The following PCDH15 variants were observed in gnomAD, a reference collection of about 807,000 sequenced individuals.
The protein encoded by PCDH15 is protocadherin-15.
In PCDH15, 129 loss-of-function variants were observed where a neutral mutation model predicts 178.5. The ratio of observed to expected loss-of-function variants is 0.72; its 90% CI spans 0.63 to 0.84. PCDH15 has a LOEUF of 0.84. Ranked by LOEUF, PCDH15 falls within the 40% of genes least tolerant of loss-of-function variation. The pLI, the probability that PCDH15 is intolerant of heterozygous loss-of-function variation, is 0.00. For synonymous variants in PCDH15, 800 were observed against 732.0 expected (o/e 1.09, Z -1.50); for missense variants, 2,230 against 2,099.9 (o/e 1.06, Z -1.21).
At chr10:55,055,341 G>A (rs1418028828) in intron 2 of PCDH15, among the ~76,000 whole-genome samples, 1 of 152,164 alleles carries the variant, frequency 6.6e-6, no homozygotes, top group African/African-American at 2.4e-5. Flanking sequence ...CAACAAATGA[G>A]TACCTGCAGA....
At chr10:55,194,777 G>A (rs185424109) in intron 1 of PCDH15, among the ~76,000 whole-genome samples, 3 of 151,550 alleles carry the variant, frequency 2.0e-5, no homozygotes, top group South Asian at 4.2e-4. Flanking sequence ...CGTGATGAGC[G>A]ACTATATATA....
rs80250003 is a variant in PCDH15 at position 54,559,850 on chromosome 10, TAAAAA to T, written c.92-31978_92-31974del. ...TTTGACATCTTGGTTTGTCTTATAG[TAAAAA>T]AAAAAAAAAAAAAAAAAAAGAAAAG... On this transcript the variant is annotated intron_variant, in intron 2 of 37. Transcript: ENST00000644397. Among the ~76,000 whole-genome samples, 7 of 73,096 alleles carry T rather than the reference TAAAAA, an allele frequency of 9.6e-5. No individual in the cohort carries two copies. In the East Asian group the frequency reaches 1.4e-3, roughly 15 times the overall value. 48.0% of individuals were successfully genotyped at this position (73,096 alleles called of 152,430 possible). A position where few individuals can be genotyped will look rare whatever the true frequency, so the allele number is the denominator to read the frequency against.
At chr10:54,731,571 C>CAT (rs376753438) in intron 1 of PCDH15, among the ~76,000 whole-genome samples, 59,185 of 96,720 alleles carry the variant, frequency 0.61, 20,371 homozygotes, top group Non-Finnish European at 0.75. Context: ...TATACACACA[C>CAT]ACACACACAC....
intron 2 of PCDH15, among the ~76,000 whole-genome samples, chr10:55,519,168 G>T (rs1841095044): frequency 6.9e-6 from 1 of 144,032 alleles, no homozygotes; most frequent in South Asian, 2.2e-4. Flanking sequence ...TCAGCCAGCT[G>T]CCCCCTCAGG....
chr10:55,575,364 A>T (rs1484694154), intron 2 of PCDH15, among the ~76,000 whole-genome samples: 1 of 152,182 alleles, frequency 6.6e-6, no homozygotes, highest in Non-Finnish European at 1.5e-5. Context: ...AGTTATTGCC[A>T]GAAAATACCC....
intron 23 of PCDH15, among the ~76,000 whole-genome samples, chr10:53,949,508 C>A (rs2086839665): frequency 6.6e-6 from 1 of 152,080 alleles, no homozygotes; most frequent in Non-Finnish European, 1.5e-5. Flanking sequence ...ATCTGTAAGT[C>A]CAAACTTGGA....
At chr10:55,174,602 TC>T (rs1839427763) in intron 1 of PCDH15, among the ~76,000 whole-genome samples, 1 of 152,194 alleles carries the variant, frequency 6.6e-6, no homozygotes, top group Non-Finnish European at 1.5e-5. Context: ...GATCTAGCCC[TC>T]CTAGTGGTCA....
At chr10:55,554,151 T>A (rs527247865) in intron 2 of PCDH15, among the ~76,000 whole-genome samples, 31 of 152,134 alleles carry the variant, frequency 2.0e-4, no homozygotes, top group Admixed American at 9.8e-4. Flanking sequence ...GATCTAATAA[T>A]TCTGAAGCAA....
intron 1 of PCDH15, among the ~76,000 whole-genome samples, chr10:54,704,361 C>A (rs1369040106): frequency 6.6e-6 from 1 of 152,016 alleles, no homozygotes; most frequent in Non-Finnish European, 1.5e-5. Context: ...TGTAAACAGA[C>A]TTTGATAGTG....
intron 3 of PCDH15, among the ~76,000 whole-genome samples, chr10:54,820,891 A>G (rs1182261932): frequency 1.3e-5 from 2 of 152,074 alleles, no homozygotes; most frequent in South Asian, 2.1e-4. Flanking sequence ...TAAGAATTTT[A>G]TGACCCTCAA....
chr10:54,493,680 G>A (rs769449930), intron 3 of PCDH15, among the ~76,000 whole-genome samples: 10 of 151,732 alleles, frequency 6.6e-5, no homozygotes, highest in African/African-American at 2.2e-4. Context: ...TCAGTGTGGC[G>A]ATTCCTCAGG....
intron 3 of PCDH15, among the ~76,000 whole-genome samples, chr10:54,520,862 C>T (rs1355234303): frequency 6.6e-6 from 1 of 151,422 alleles, no homozygotes; most frequent in African/African-American, 2.4e-5. Flanking sequence ...GGCACATATA[C>T]ACCATGGAAT....
intron 2 of PCDH15, among the ~76,000 whole-genome samples, chr10:55,540,339 A>C (rs2132075464): frequency 6.6e-6 from 1 of 152,208 alleles, no homozygotes; most frequent in Middle Eastern, 3.4e-3. Context: ...TAGATGAAAT[A>C]TCTCCATCTT....
intron 2 of PCDH15, among the ~76,000 whole-genome samples, chr10:55,572,313 A>C (rs1842420812): frequency 6.6e-6 from 1 of 151,708 alleles, no homozygotes; most frequent in South Asian, 2.1e-4. Flanking sequence ...AAGTATAGTG[A>C]ATATTCAAAA....
intron 2 of PCDH15, among the ~76,000 whole-genome samples, chr10:55,429,632 G>A (rs1312439586): frequency 6.6e-6 from 1 of 152,052 alleles, no homozygotes; most frequent in South Asian, 2.1e-4. Context: ...GCTTTGAAGG[G>A]AATTTGCCTT....
intron 3 of PCDH15, among the ~76,000 whole-genome samples, chr10:54,399,054 A>G (rs1951600875): frequency 6.6e-6 from 1 of 152,104 alleles, no homozygotes; most frequent in African/African-American, 2.4e-5. Context: ...TCCACTTGGC[A>G]TATATGTGTT....
At chr10:53,949,961 C>T (rs200489901) in intron 23 of PCDH15, among the ~76,000 whole-genome samples, 1 of 151,962 alleles carries the variant, frequency 6.6e-6, no homozygotes, top group Non-Finnish European at 1.5e-5. Flanking sequence ...TAATTTTATT[C>T]TTTAATATAA....
chr10:55,146,173 A>G lies in PCDH15; in HGVS notation c.-80+20403T>C, dbSNP rs141847681. On this transcript the variant is annotated intron_variant, in intron 2 of 5. Transcript: ENST00000458638. ...AATCTTGGTTTTGTTCACGGCAGCA[A>G]TCCTCGTGGTTAACAGCCCTATAAC... Among the ~76,000 whole-genome samples, 1,009 of 152,056 alleles carry G rather than the reference A, an allele frequency of 6.6e-3. 11 individuals are homozygous for G. Among genetic ancestry groups the G allele is most frequent in the Non-Finnish European group, 8.2e-3 (557 of 67,904 alleles).
At chr10:55,348,113 C>T (rs1208473459) in intron 2 of PCDH15, among the ~76,000 whole-genome samples, 3 of 151,964 alleles carry the variant, frequency 2.0e-5, no homozygotes, top group Non-Finnish European at 2.9e-5. Flanking sequence ...TACTAGAAGA[C>T]CTAGTTATAT....
Sources: allele counts gnomAD v4.1 joint callset (sites outside exome capture counted in the v4.1 genomes callset), GRCh38; gene constraint gnomAD v4.1.1; transcripts MANE v1.5; gene names NCBI Gene and HGNC (gene_info 2026-07-23, HGNC 2026-07-21).